Variants in ZXDB observed in about 807,000 individuals in gnomAD.
ZXDB encodes the protein zinc finger X-linked protein ZXDB.
For synonymous variants in ZXDB, 273 were observed against 314.3 expected, an observed-to-expected ratio of 0.87 and a Z score of 1.39; for missense variants, 413 against 679.1, an observed-to-expected ratio of 0.61 and a Z score of 4.36.
rs752909924 is a variant in ZXDB, at chrX:57,592,697, C to T, written c.649C>T (p.His217Tyr). Residue 217 changes from histidine to tyrosine, a missense_variant, in exon 1 of 1, where the codon CAT (histidine) becomes TAT (tyrosine). Physicochemically the swap from His to Tyr is moderately conservative, Grantham distance 83 (BLOSUM62 2). Coordinates refer to ENST00000374888, the MANE Select transcript of ZXDB (RefSeq NM_007157.4). ...GATCGCCCCGCAAGCTGGGTTCCCG[C>T]ATGCCGCGCACCCGGGTGACTGCCC... ...CLIAPQAGFP[H>Y]AAHPGDCPEL... 6 of 1,182,021 alleles carry T rather than the reference C, an allele frequency of 5.1e-6. No individual in the cohort carries two copies. Among genetic ancestry groups the T allele is most frequent in the Non-Finnish European group, 2.3e-6 (2 of 883,826 alleles).
chrX:57,593,422 T>C lies in ZXDB; in HGVS notation c.1374T>C (p.Phe458=). 8.3e-7 allele frequency: 1 copy of C among 1,211,814 alleles called. No homozygotes were observed. Among genetic ancestry groups the C allele is most frequent in the Non-Finnish European group, 1.1e-6 (1 of 895,457 alleles). The change falls in exon 1 of 1, where the codon TTT becomes TTC. Residue 458 remains phenylalanine (F), a synonymous_variant. Coordinates refer to ENST00000374888, the MANE Select transcript of ZXDB (RefSeq NM_007157.4). The part of the protein sequence containing the change: ...HTGERPFLCD[F]DGCGWNFTSM... ...GCGAGAGACCTTTCCTTTGTGACTT[T>C]GATGGCTGTGGCTGGAACTTCACTA...
Position 57,592,745 on chromosome X carries a change from C to T in ZXDB, c.697C>T (p.Leu233=). ...DCPELPPDLL[L]AEPAEPAPAP... ...CCCAGAGCTGCCGCCAGACCTCCTG[C>T]TAGCTGAGCCGGCCGAACCCGCGCC... Residue 233 remains leucine (L), a synonymous_variant, in exon 1 of 1, where the codon CTA becomes TTA. Transcript: ENST00000374888. The T allele has an allele frequency of 8.6e-7, 1 of 1,161,676 alleles. No homozygotes were observed. The highest frequency in any genetic ancestry group is 1.1e-6 in the Non-Finnish European group (1 of 873,802).
Position 57,594,320 on chromosome X carries a change from G to C in ZXDB, c.2272G>C (p.Glu758Gln). 2.5e-6 allele frequency: 3 copies of C among 1,211,941 alleles called. No individual in the cohort carries two copies. The highest frequency in any genetic ancestry group is 3.3e-6 in the Non-Finnish European group (3 of 895,575). The change falls in exon 1 of 1, where the codon GAG becomes CAG. Residue 758 changes from glutamate to glutamine, a missense_variant. Physicochemically the swap from Glu to Gln is conservative, Grantham distance 29 (BLOSUM62 2). Transcript: ENST00000374888. ...VSELLTPTKA[E>Q]WNVHPDSDFF... ...AGAACTACTGACACCAACCAAAGCGGAGTGGAACGTACATCCTGACTCTGA... is the reference window on the plus strand; with the variant it reads ...AGAACTACTGACACCAACCAAAGCGCAGTGGAACGTACATCCTGACTCTGA...
Position 57,595,825 on chromosome X carries a change from A to G in ZXDB, c.*1365A>G, listed in dbSNP as rs781773321. The G allele has an allele frequency of 5.1e-4, 63 of 123,302 alleles. No individual in the cohort carries two copies. The highest frequency in any genetic ancestry group is 5.1e-4 in the Non-Finnish European group (27 of 53,284). 10.2% of individuals were successfully genotyped at this position (123,302 alleles called of 1,213,427 possible). ...TTGGATAAGTGGCCTTGAATAAATTAGTTATTAAGCTTCAGTTTTCTAGCT... is the reference window on the plus strand; with the variant it reads ...TTGGATAAGTGGCCTTGAATAAATTGGTTATTAAGCTTCAGTTTTCTAGCT... On this transcript the variant is annotated 3_prime_UTR_variant, in exon 1 of 1. Transcript: ENST00000374888.
Position 57,593,150 on chromosome X carries a change from G to A in ZXDB, c.1102G>A (p.Val368Met), listed in dbSNP as rs887977998. ...HEQENSFKCE[V>M]CEESFPTQAK... ...GCAGGAGAACTCATTCAAATGCGAG[G>A]TGTGCGAGGAGAGCTTCCCCACGCA... The change falls in exon 1 of 1, where the codon GTG becomes ATG. Residue 368 changes from valine to methionine, a missense_variant. Coordinates refer to ENST00000374888, the MANE Select transcript of ZXDB (RefSeq NM_007157.4). 1.6e-5 allele frequency: 19 copies of A among 1,210,313 alleles called. No homozygotes were observed. The highest frequency in any genetic ancestry group is 3.5e-5 in the African/African-American group (2 of 57,240).
Position 57,593,062 on chromosome X carries a change from A to G in ZXDB, c.1014A>G (p.Ala338=), listed in dbSNP as rs1057323. The part of the protein sequence containing the change: ...HDKLRPFGCP[A]EGCGKSFTTV... Reference sequence around the variant, plus strand: ...AACTGCGGCCCTTTGGCTGCCCGGCAGAGGGCTGTGGCAAGAGCTTCACCA... The same window carrying G: ...AACTGCGGCCCTTTGGCTGCCCGGCGGAGGGCTGTGGCAAGAGCTTCACCA... Residue 338 remains alanine, a synonymous_variant, in exon 1 of 1, where the codon GCA becomes GCG. Coordinates refer to ENST00000374888, the MANE Select transcript of ZXDB (RefSeq NM_007157.4). 3.1e-5 allele frequency: 37 copies of G among 1,210,254 alleles called. No individual in the cohort carries two copies. The highest frequency in any genetic ancestry group is 1.4e-4 in the African/African-American group (8 of 57,248).
In ZXDB at chrX:57,592,411, C is replaced by G. The variant is rs1335181389; in HGVS notation, c.363C>G (p.Ala121=). 1.7e-6 allele frequency: 2 copies of G among 1,169,511 alleles called. No homozygotes were observed. The highest frequency in any genetic ancestry group is 1.8e-5 in the African/African-American group (1 of 54,145). Residue 121 remains alanine, a synonymous_variant, in exon 1 of 1, where the codon GCC becomes GCG. Transcript: ENST00000374888. The part of the protein sequence containing the change: ...QAAGPVLREE[A]EEGPGLQGGE... Reference sequence around the variant, plus strand: ...CAGGGCCTGTGTTGAGGGAGGAGGCCGAGGAGGGCCCGGGGCTCCAGGGGG... The same window carrying G: ...CAGGGCCTGTGTTGAGGGAGGAGGCGGAGGAGGGCCCGGGGCTCCAGGGGG...
rs776715257 is a variant in ZXDB at position 57,592,396 on chromosome X, G to A, written c.348G>A (p.Val116=). 723 of 1,177,440 alleles carry A rather than the reference G, an allele frequency of 6.1e-4. 8 individuals are homozygous for A. The highest frequency in any genetic ancestry group is 5.9e-5 in the Non-Finnish European group (52 of 883,352). The change falls in exon 1 of 1, where the codon GTG becomes GTA. Residue 116 remains valine (V), a synonymous_variant. Coordinates refer to ENST00000374888, the MANE Select transcript of ZXDB (RefSeq NM_007157.4). Reference sequence around the variant, plus strand: ...GCTCCGGTCAGGCCGCAGGGCCTGTGTTGAGGGAGGAGGCCGAGGAGGGCC... The same window carrying A: ...GCTCCGGTCAGGCCGCAGGGCCTGTATTGAGGGAGGAGGCCGAGGAGGGCC... ...TAGSGQAAGP[V]LREEAEEGPG... is the part of the protein sequence containing the mutation.
In ZXDB at chrX:57,593,137, A is replaced by C. The variant is rs150282967; in HGVS notation, c.1089A>C (p.Ser363=). 67 of 1,210,341 alleles carry C rather than the reference A, an allele frequency of 5.5e-5. No homozygotes were observed. The African/African-American group carries it at 9.3e-4, about 17-fold the overall frequency. ...TGAAGGGCCATGAGCAGGAGAACTC[A>C]TTCAAATGCGAGGTGTGCGAGGAGA... ...AHMKGHEQEN[S]FKCEVCEESF... The change falls in exon 1 of 1, where the codon TCA becomes TCC. Residue 363 remains serine (S), a synonymous_variant. Transcript: ENST00000374888.
In ZXDB at chrX:57,595,367, A is replaced by T. The variant is rs1474672527; in HGVS notation, c.*907A>T. On this transcript the variant is annotated 3_prime_UTR_variant, in exon 1 of 1. Transcript: ENST00000374888. ...GCTTTCCTCTATCCTCTGTTTCTTTAATTTGCTAGTTATGTCTAGAGACTT... is the reference window on the plus strand; with the variant it reads ...GCTTTCCTCTATCCTCTGTTTCTTTTATTTGCTAGTTATGTCTAGAGACTT... The T allele has an allele frequency of 3.3e-5, 4 of 122,887 alleles. No homozygotes were observed. Among genetic ancestry groups the T allele is most frequent in the Non-Finnish European group, 7.5e-5 (4 of 53,226 alleles). 10.1% of individuals were successfully genotyped at this position (122,887 alleles called of 1,213,427 possible). A position where few individuals can be genotyped will look rare whatever the true frequency, so the allele number is the denominator to read the frequency against.
Position 57,592,978 on chromosome X carries a change from C to T in ZXDB, c.930C>T (p.Gly310=), listed in dbSNP as rs2057900292. The part of the protein sequence containing the change: ...GQRPFKCPLG[G]CGWTFTTSYK... Reference sequence around the variant, plus strand: ...GGCCCTTCAAATGCCCCCTGGGTGGCTGCGGCTGGACCTTCACCACCTCTT... The same window carrying T: ...GGCCCTTCAAATGCCCCCTGGGTGGTTGCGGCTGGACCTTCACCACCTCTT... The change falls in exon 1 of 1, where the codon GGC becomes GGT. Residue 310 remains glycine (G), a synonymous_variant. Transcript: ENST00000374888. The T allele has an allele frequency of 8.3e-7, 1 of 1,208,867 alleles. No homozygotes were observed.
rs760187596 is a variant in ZXDB, at chrX:57,592,283, G to T, written c.235G>T (p.Asp79Tyr). The change falls in exon 1 of 1, where the codon GAT becomes TAT. Residue 79 changes from aspartate to tyrosine, a missense_variant. Coordinates refer to ENST00000374888, the MANE Select transcript of ZXDB (RefSeq NM_007157.4). ...PGPSLLAPRTDQPSGGGGGGG... is the reference protein window; with the variant it reads ...PGPSLLAPRTYQPSGGGGGGG... ...CCCAAGCCTGTTGGCGCCGAGGACC[G>T]ATCAACCTAGCGGCGGCGGCGGCGG... is the stretch of plus-strand genomic sequence containing the variant. 1.7e-6 allele frequency: 2 copies of T among 1,182,618 alleles called. No individual in the cohort carries two copies. Among genetic ancestry groups the T allele is most frequent in the Non-Finnish European group, 2.3e-6 (2 of 886,017 alleles).
Position 57,597,297 on chromosome X carries a change from A to T in ZXDB, c.*2837A>T, listed in dbSNP as rs936842193. On this transcript the variant is annotated 3_prime_UTR_variant, in exon 1 of 1. Coordinates refer to ENST00000374888, the MANE Select transcript of ZXDB (RefSeq NM_007157.4). Reference sequence around the variant, plus strand: ...TGGAATTTGATTGTCTACCCAATCAACAGTTTTCCCTCTTTGCTCTGGAAA... The same window carrying T: ...TGGAATTTGATTGTCTACCCAATCATCAGTTTTCCCTCTTTGCTCTGGAAA... The T allele has an allele frequency of 6.5e-5, 8 of 123,497 alleles. No individual in the cohort carries two copies. Among genetic ancestry groups the T allele is most frequent in the Non-Finnish European group, 1.5e-4 (8 of 53,299 alleles). 10.2% of individuals were successfully genotyped at this position (123,497 alleles called of 1,213,427 possible).
In ZXDB at chrX:57,594,330, T is replaced by C; in HGVS notation, c.2282T>C (p.Val761Ala). The change falls in exon 1 of 1, where the codon GTA becomes GCA. Residue 761 changes from valine to alanine, a missense_variant. By Grantham distance (64) the Val-to-Ala change is moderately conservative. Transcript: ENST00000374888. The part of the protein sequence containing the change: ...LLTPTKAEWN[V>A]HPDSDFFGQE... The stretch of plus-strand genomic sequence containing the variant: ...ACACCAACCAAAGCGGAGTGGAACG[T>C]ACATCCTGACTCTGACTTCTTTGGA... 8.3e-7 allele frequency: 1 copy of C among 1,211,940 alleles called. No homozygotes were observed. Among genetic ancestry groups the C allele is most frequent in the Non-Finnish European group, 1.1e-6 (1 of 895,572 alleles).
In ZXDB at chrX:57,594,434, G is replaced by A. The variant is rs1286716433; in HGVS notation, c.2386G>A (p.Val796Met). ...TCAGAAAGAAACAGATCTTATCACT[G>A]TGACTGGCAGCTCATTTTTGGTATG... Reference protein sequence around the residue: ...GSQKETDLITVTGSSFLV With the variant: ...GSQKETDLITMTGSSFLV The change falls in exon 1 of 1, where the codon GTG becomes ATG. Residue 796 changes from valine (V) to methionine (M), a missense_variant. By Grantham distance (21) the Val-to-Met change is conservative (BLOSUM62 1). Coordinates refer to ENST00000374888, the MANE Select transcript of ZXDB (RefSeq NM_007157.4). 8.3e-7 allele frequency: 1 copy of A among 1,205,860 alleles called. No homozygotes were observed. Among genetic ancestry groups the A allele is most frequent in the African/African-American group, 1.8e-5 (1 of 57,091 alleles).
Position 57,596,274 on chromosome X carries a change from C to G in ZXDB, c.*1814C>G, listed in dbSNP as rs1482496475. On this transcript the variant is annotated 3_prime_UTR_variant, in exon 1 of 1. Coordinates refer to ENST00000374888, the MANE Select transcript of ZXDB (RefSeq NM_007157.4). ...TCAGGCTTCTCTGTGACTGTGAAGC[C>G]TGCTGTTCCCTGAAAATCTGATAAT... The G allele has an allele frequency of 8.1e-6, 1 of 123,460 alleles. No homozygotes were observed. Among genetic ancestry groups the G allele is most frequent in the Non-Finnish European group, 1.9e-5 (1 of 53,274 alleles). The allele number at this position is 123,460 out of a possible 1,213,427, so 10.2% of individuals were successfully genotyped here.
At position 57,592,482 on chromosome X, in the gene ZXDB, G is replaced by GGTTCCCA; in HGVS notation, c.434_435insGTTCCCA (p.Cys146PhefsTer38). ...GCGGGGCCCACTGCGCTAGGCCCCCGCTGCCTGTCCGCGGTTCCCACTCCG... is the reference window on the plus strand; with the variant it reads ...GCGGGGCCCACTGCGCTAGGCCCCCGGTTCCCACTGCCTGTCCGCGGTTCCCACTCCG... On this transcript the variant is annotated frameshift_variant, in exon 1 of 1. Transcript: ENST00000374888. LOFTEE classifies it low-confidence loss of function (END_TRUNC). 1 of 1,180,481 alleles carries GGTTCCCA rather than the reference G, an allele frequency of 8.5e-7. No homozygotes were observed. Among genetic ancestry groups the GGTTCCCA allele is most frequent in the Non-Finnish European group, 1.1e-6 (1 of 882,039 alleles).
chrX:57,592,663 C>T lies in ZXDB; in HGVS notation c.615C>T (p.Pro205=). 2 of 1,192,882 alleles carry T rather than the reference C, an allele frequency of 1.7e-6. No individual in the cohort carries two copies. Among genetic ancestry groups the T allele is most frequent in the Non-Finnish European group, 2.3e-6 (2 of 888,492 alleles). The change falls in exon 1 of 1, where the codon CCC becomes CCT. Residue 205 remains proline (P), a synonymous_variant. Transcript: ENST00000374888. ...WEPGAAPAQQ[P]GCLIAPQAGF... is the part of the protein sequence containing the mutation. Reference sequence around the variant, plus strand: ...CAGGGGCCGCTCCTGCCCAGCAGCCCGGGTGTCTGATCGCCCCGCAAGCTG... The same window carrying T: ...CAGGGGCCGCTCCTGCCCAGCAGCCTGGGTGTCTGATCGCCCCGCAAGCTG...
At position 57,594,577 on chromosome X, in the gene ZXDB, G is replaced by A. The variant is rs748927699; in HGVS notation, c.*117G>A. 7.8e-5 allele frequency: 72 copies of A among 919,661 alleles called. No homozygotes were observed. Among genetic ancestry groups the A allele is most frequent in the Non-Finnish European group, 1.0e-4 (69 of 669,036 alleles). The allele number at this position is 919,661 out of a possible 1,213,427, so 75.8% of individuals were successfully genotyped here. A position where few individuals can be genotyped will look rare whatever the true frequency, so the allele number is the denominator to read the frequency against. ...CTTTTTGGTTTGCAAAAAGAGCACA[G>A]CCCTGGACTACAAGTTTGGAGATTT... On this transcript the variant is annotated 3_prime_UTR_variant, in exon 1 of 1. Coordinates refer to ENST00000374888, the MANE Select transcript of ZXDB (RefSeq NM_007157.4).
Sources: gnomAD v4.1 joint callset for allele counts on GRCh38, gnomAD v4.1.1 for gene constraint, MANE v1.5 for transcripts, NCBI Gene and HGNC (gene_info 2026-07-23, HGNC 2026-07-21) for gene names.